The following FUT8 variants were observed in gnomAD, a reference collection of about 807,000 sequenced individuals.
FUT8 encodes the protein alpha-(1,6)-fucosyltransferase.
FUT8 carries 29 observed loss-of-function variants against 71.3 expected under a neutral mutation model. The ratio of observed to expected loss-of-function variants is 0.41; its 90% CI spans 0.30 to 0.55. FUT8 has a LOEUF of 0.55. Among genes scored for constraint, FUT8 ranks in the 20% least tolerant of loss-of-function variants. FUT8 has a pLI of 0.34. For synonymous variants in FUT8, 254 were observed against 239.3 expected (o/e 1.06, Z -0.57); for missense variants, 544 against 702.1 (o/e 0.77, Z 2.55).
chr14:65,631,201 C>A (rs1332619697), intron 6 of FUT8, among the ~76,000 whole-genome samples: 1 of 152,082 alleles, frequency 6.6e-6, no homozygotes, highest in East Asian at 1.9e-4. Flanking sequence ...GCTGGTGGTG[C>A]AGAACCATCA....
intron 3 of FUT8, among the ~76,000 whole-genome samples, chr14:65,608,650 C>G (rs1033795356): frequency 6.6e-6 from 1 of 151,826 alleles, no homozygotes; most frequent in African/African-American, 2.4e-5. Context: ...CATATCAAAT[C>G]TCAGAAAAAC....
intron 2 of FUT8, among the ~76,000 whole-genome samples, chr14:65,492,942 C>T (rs1367644499): frequency 6.6e-6 from 1 of 151,992 alleles, no homozygotes; most frequent in Non-Finnish European, 1.5e-5. Flanking sequence ...CTCTCCTCCC[C>T]TTTATCTCCC....
chr14:65,512,495 A>T (rs1235505955), intron 2 of FUT8, among the ~76,000 whole-genome samples: 1 of 152,180 alleles, frequency 6.6e-6, no homozygotes, highest in Non-Finnish European at 1.5e-5. Flanking sequence ...GACCACTCAT[A>T]TATGCAGTTC....
At chr14:65,553,545 C>G (rs1885409903) in intron 2 of FUT8, among the ~76,000 whole-genome samples, 1 of 151,974 alleles carries the variant, frequency 6.6e-6, no homozygotes. Context: ...TGGTATCATA[C>G]TCCTCCTTGA....
chr14:65,400,667 C>T, the FUT8 span, among the ~76,000 whole-genome samples: 1 of 152,162 alleles, frequency 6.6e-6, no homozygotes, highest in South Asian at 2.1e-4. Flanking sequence ...GGGAGGATTG[C>T]TTGAGCCTAG....
intron 6 of FUT8, among the ~76,000 whole-genome samples, chr14:65,645,262 A>G (rs1312994026): frequency 6.6e-6 from 1 of 152,236 alleles, no homozygotes; most frequent in Non-Finnish European, 1.5e-5. Flanking sequence ...TTACAATTGT[A>G]TAAAGCTGAC....
At position 65,700,381 on chromosome 14, in the gene FUT8, G is replaced by GTTTTTTTTTT. The variant is rs763718984; in HGVS notation, c.836-21376_836-21367dup. ...AAACTACTTTCTTTTCTTTCTTTCT[G>GTTTTTTTTTT]TTTTTTTTTTTTTTTTTTTTTTTTT... On this transcript the variant is annotated intron_variant, in intron 7 of 10. Transcript: ENST00000673929. Among the ~76,000 whole-genome samples the GTTTTTTTTTT allele has an allele frequency of 9.8e-4, 48 of 48,850 alleles. 6 individuals carry two copies. The highest frequency in any genetic ancestry group is 1.5e-3 in the East Asian group (2 of 1,304). 32.0% of individuals were successfully genotyped at this position (48,850 alleles called of 152,430 possible). A position where few individuals can be genotyped will look rare whatever the true frequency, so the allele number is the denominator to read the frequency against.
intron 3 of FUT8, among the ~76,000 whole-genome samples, chr14:65,565,926 ATTATAT>A (rs1241111620): frequency 6.6e-6 from 1 of 151,686 alleles, no homozygotes; most frequent in Non-Finnish European, 1.5e-5. Context: ...TAAACACAAA[ATTATAT>A]TTATTAGTAA....
intron 3 of FUT8, among the ~76,000 whole-genome samples, chr14:65,594,981 C>T (rs1323511986): frequency 6.6e-6 from 1 of 152,100 alleles, no homozygotes; most frequent in Non-Finnish European, 1.5e-5. Context: ...AGCGGGCACA[C>T]AGGGATGGAA....
intron 3 of FUT8, among the ~76,000 whole-genome samples, chr14:65,605,515 G>A (rs548033125): frequency 6.6e-6 from 1 of 152,076 alleles, no homozygotes; most frequent in South Asian, 2.1e-4. Context: ...ACAAAAGAGG[G>A]GAGGCTTGCA....
the FUT8 span, among the ~76,000 whole-genome samples, chr14:65,401,165 AAT>A: frequency 6.6e-6 from 1 of 152,240 alleles, no homozygotes; most frequent in Non-Finnish European, 1.5e-5. Context: ...TGCAAAAACC[AAT>A]ATGAGGACTG....
intron 6 of FUT8, among the ~76,000 whole-genome samples, chr14:65,663,711 A>G (rs1157489356): frequency 2.6e-5 from 4 of 152,104 alleles, no homozygotes; most frequent in Non-Finnish European, 5.9e-5. Flanking sequence ...ACATAAACAG[A>G]AAAGAATTAA....
chr14:65,456,467 T>C (rs1236699092), intron 2 of FUT8, among the ~76,000 whole-genome samples: 1 of 152,214 alleles, frequency 6.6e-6, no homozygotes, highest in Admixed American at 6.5e-5. Context: ...ATTTTATGGA[T>C]ATACCATAAT....
intron 6 of FUT8, among the ~76,000 whole-genome samples, chr14:65,651,823 A>G (rs2140325413): frequency 6.6e-6 from 1 of 152,340 alleles, no homozygotes; most frequent in African/African-American, 2.4e-5. Flanking sequence ...AGATCAATAT[A>G]AATTATGCAG....
intron 7 of FUT8, among the ~76,000 whole-genome samples, chr14:65,697,450 C>T (rs189928096): frequency 2.0e-5 from 3 of 152,276 alleles, no homozygotes; most frequent in African/African-American, 4.8e-5. Context: ...GGGTATTTCT[C>T]TTCCCCCTGG....
upstream of FUT8, chr14:65,411,909 A>G: frequency 2.6e-6 from 1 of 383,772 alleles, no homozygotes; most frequent in South Asian, 1.9e-5. Context: ...CCTCCCGCTC[A>G]GCTGGCGGTC....
intron 10 of FUT8, among the ~76,000 whole-genome samples, chr14:65,737,185 T>A (rs771493352): frequency 6.6e-6 from 1 of 152,138 alleles, no homozygotes; most frequent in Non-Finnish European, 1.5e-5. Flanking sequence ...GGGAATTCTC[T>A]CTTCTTCAAT....
rs777527434 is a variant in FUT8 at position 65,561,655 on chromosome 14, G to A, written c.92G>A (p.Arg31Gln). The A allele has an allele frequency of 6.2e-7, 1 of 1,613,454 alleles. No individual in the cohort carries two copies. Among genetic ancestry groups the A allele is most frequent in the South Asian group, 1.1e-5 (1 of 91,074 alleles). The change falls in exon 3 of 11, where the codon CGA becomes CAA. Residue 31 changes from arginine (R) to glutamine (Q), a missense_variant. By Grantham distance (43) the Arg-to-Gln change is conservative. Transcript: ENST00000673929. ...LLFYIGGHLV[R>Q]DNDHPDHSSR... The stretch of plus-strand genomic sequence containing the variant: ...TTTTATATAGGTGGTCACTTGGTAC[G>A]AGATAATGACCATCCTGATCACTCT...
chr14:65,377,984 A>T, the FUT8 span, among the ~76,000 whole-genome samples: 1 of 152,206 alleles, frequency 6.6e-6, no homozygotes, highest in East Asian at 1.9e-4. Flanking sequence ...GAGAAGGAAA[A>T]GACAGAGAAG....
Sources: gnomAD v4.1 joint callset for allele counts (sites outside exome capture counted in the v4.1 genomes callset) on GRCh38, gnomAD v4.1.1 for gene constraint, MANE v1.5 for transcripts, NCBI Gene and HGNC (gene_info 2026-07-23, HGNC 2026-07-21) for gene names.